The following PSMB7 variants were observed in gnomAD, a reference collection of about 807,000 sequenced individuals.
PSMB7 encodes proteasome subunit beta type-7.
Under a neutral mutation model 28.1 loss-of-function variants are expected in PSMB7, and 5 were observed. The ratio of observed to expected loss-of-function variants is 0.18; its 90% CI spans 0.09 to 0.37. PSMB7 has a LOEUF of 0.37. PSMB7 is among the 10% of genes least tolerant of loss of function. The pLI is 1.00. For synonymous variants in PSMB7, 122 were observed against 123.7 expected (o/e 0.99, Z 0.09); for missense variants, 275 against 346.2 (o/e 0.79, Z 1.63).
intron 5 of PSMB7, among the ~76,000 whole-genome samples, chr9:124,387,866 CA>C (rs1158468277): frequency 1.4e-5 from 2 of 147,104 alleles, no homozygotes; most frequent in South Asian, 2.1e-4. Context: ...GTGGGGGACA[CA>C]AGGAACAAGA....
At chr9:124,384,497 T>A in intron 6 of PSMB7, 101 bp downstream of exon 6, 1 of 1,080,092 alleles carries the variant, frequency 9.3e-7, no homozygotes, top group Non-Finnish European at 1.3e-6. Context: ...CTAACAACAG[T>A]GCTGTACAAG....
intron 5 of PSMB7, among the ~76,000 whole-genome samples, chr9:124,391,614 A>G (rs1269903691): frequency 3.3e-5 from 5 of 150,774 alleles, no homozygotes; most frequent in Non-Finnish European, 7.4e-5. Flanking sequence ...AGTATCTGTT[A>G]TAACAGCATT....
intron 7 of PSMB7, among the ~76,000 whole-genome samples, chr9:124,354,955 G>C (rs528517594): frequency 1.3e-5 from 2 of 152,380 alleles, no homozygotes; most frequent in Admixed American, 6.5e-5. Context: ...TGGACTGCAA[G>C]ACCGTGTGCT....
chr9:124,390,055 G>A (rs893788656), intron 5 of PSMB7, among the ~76,000 whole-genome samples: 3 of 152,178 alleles, frequency 2.0e-5, no homozygotes, highest in Admixed American at 2.0e-4. Flanking sequence ...CAAGAGAGAA[G>A]ACAGTAGTTT....
At position 124,353,523 on chromosome 9, in the gene PSMB7, A is replaced by G; in HGVS notation, c.*75T>C. The G allele has an allele frequency of 9.2e-7, 1 of 1,088,320 alleles. No homozygotes were observed. The highest frequency in any genetic ancestry group is 1.4e-6 in the Non-Finnish European group (1 of 709,170). 67.4% of individuals were successfully genotyped at this position (1,088,320 alleles called of 1,614,324 possible). On this transcript the variant is annotated 3_prime_UTR_variant, in exon 8 of 8. Transcript: ENST00000259457. ...AGTTGAGTTTCATTCGGCAAACACT[A>G]GCCACATGAGTGTCTTACTGGGCCT...
intron 1 of PSMB7, 87 bp from the exon 2 acceptor site, chr9:124,415,022 G>A (rs1368668942): frequency 8.2e-6 from 7 of 856,446 alleles, no homozygotes; most frequent in African/African-American, 3.4e-5. Context: ...GAGAACTCAG[G>A]AAAGCTGCTA....
intron 5 of PSMB7, among the ~76,000 whole-genome samples, chr9:124,396,079 T>TGGACTTC (rs1830837865): frequency 6.6e-6 from 1 of 152,246 alleles, no homozygotes; most frequent in Admixed American, 6.5e-5. Flanking sequence ...ATGAAGTCCA[T>TGGACTTC]ATATACGTGC....
intron 6 of PSMB7, among the ~76,000 whole-genome samples, chr9:124,368,225 T>C (rs1830527244): frequency 1.3e-5 from 2 of 152,148 alleles, no homozygotes; most frequent in Admixed American, 1.3e-4. Context: ...GGTGATTTGG[T>C]TTTTTCCACC....
At position 124,353,696 on chromosome 9, in the gene PSMB7, T is replaced by A. The variant is rs1314646559; in HGVS notation, c.736A>T (p.Arg246Trp). The part of the protein sequence containing the change: ...NKKGTRLGRY[R>W]CEKGTTAVLT... ...ACTGCAGTAGTCCCTTTCTCACACCTGTACCGGCCAAGCCTAGTAAGAGAA... is the reference window on the plus strand; with the variant it reads ...ACTGCAGTAGTCCCTTTCTCACACCAGTACCGGCCAAGCCTAGTAAGAGAA... Residue 246 changes from arginine (R) to tryptophan (W), a missense_variant, in exon 8 of 8, where the codon AGG (arginine) becomes TGG (tryptophan). Around this residue, in one of 2 missense-constraint regions of PSMB7, gnomAD observed 213 missense variants for 302.4 expected, o/e 0.70. Coordinates refer to ENST00000259457, the MANE Select transcript of PSMB7 (RefSeq NM_002799.4). 6.2e-7 allele frequency: 1 copy of A among 1,612,840 alleles called. No homozygotes were observed. Among genetic ancestry groups the A allele is most frequent in the African/African-American group, 1.3e-5 (1 of 74,896 alleles).
chr9:124,414,608 G>A (rs1364847119), intron 2 of PSMB7, among the ~76,000 whole-genome samples: 1 of 111,390 alleles, frequency 9.0e-6, no homozygotes, highest in East Asian at 2.1e-4. Context: ...TAACTGACCT[G>A]TTTAAAAAAA....
chr9:124,406,897 G>A (rs1241140568), intron 4 of PSMB7, among the ~76,000 whole-genome samples: 1 of 152,084 alleles, frequency 6.6e-6, no homozygotes, highest in Non-Finnish European at 1.5e-5. Flanking sequence ...TGAGGCATGA[G>A]AATCGCTTGA....
At chr9:124,403,927 T>C (rs1349071999) in intron 5 of PSMB7, among the ~76,000 whole-genome samples, 2 of 151,176 alleles carry the variant, frequency 1.3e-5, no homozygotes, top group African/African-American at 4.9e-5. Flanking sequence ...GGTCTCACTC[T>C]GTTGCCCAAG....
chr9:124,364,060 C>T (rs571592050), intron 6 of PSMB7, among the ~76,000 whole-genome samples: 13 of 152,276 alleles, frequency 8.5e-5, no homozygotes, highest in African/African-American at 2.6e-4. Flanking sequence ...ACAAACAGGA[C>T]GGTTAGCACG....
chr9:124,358,757 C>T (rs1475128017), intron 6 of PSMB7, among the ~76,000 whole-genome samples: 1 of 152,246 alleles, frequency 6.6e-6, no homozygotes, highest in African/African-American at 2.4e-5. Flanking sequence ...TCTGCTCCCC[C>T]TTCTCTTCTC....
At chr9:124,372,083 A>G (rs936614265) in intron 6 of PSMB7, among the ~76,000 whole-genome samples, 2 of 152,260 alleles carry the variant, frequency 1.3e-5, no homozygotes, top group East Asian at 3.8e-4. Flanking sequence ...CACCTGCTCC[A>G]AAGAAATGCA....
intron 5 of PSMB7, among the ~76,000 whole-genome samples, chr9:124,402,559 C>T (rs1463071084): frequency 1.3e-5 from 2 of 149,614 alleles, no homozygotes; most frequent in South Asian, 2.2e-4. Context: ...CCCACGCACA[C>T]GAAACAATGA....
rs556965139 is a variant in PSMB7, at chr9:124,403,712, T to G, written c.511+1605A>C. Among the ~76,000 whole-genome samples the G allele has an allele frequency of 2.0e-5, 3 of 152,200 alleles. No individual in the cohort carries two copies. In the South Asian group the frequency reaches 6.2e-4, roughly 32 times the overall value. On this transcript the variant is annotated intron_variant, in intron 5 of 7. Coordinates refer to ENST00000259457, the MANE Select transcript of PSMB7 (RefSeq NM_002799.4). ...GGTATTACCAATACCACTTCACAGG[T>G]AAGGAAATTGAGGTTCAGATAGAAA...
chr9:124,404,187 C>T (rs1275874395), intron 5 of PSMB7, among the ~76,000 whole-genome samples: 3 of 152,126 alleles, frequency 2.0e-5, no homozygotes, highest in African/African-American at 7.2e-5. Flanking sequence ...CCGTGCCTGG[C>T]CCTGATCTTT....
chr9:124,382,500 G>A (rs946823118), intron 6 of PSMB7, among the ~76,000 whole-genome samples: 6 of 152,028 alleles, frequency 3.9e-5, no homozygotes, highest in Admixed American at 1.3e-4. Context: ...GAGCCGCTGC[G>A]CCCAGTCGAG....
Sources: gnomAD v4.1 joint callset for allele counts (sites outside exome capture counted in the v4.1 genomes callset) on GRCh38, gnomAD v4.1.1 for gene constraint, gnomAD v4.1.1 regional missense constraint, MANE v1.5 for transcripts, NCBI Gene and HGNC (gene_info 2026-07-23, HGNC 2026-07-21) for gene names.